SYNPR: variants seen among roughly 807,000 people sequenced by gnomAD.
SYNPR encodes synaptoporin.
Under a neutral mutation model 32.9 loss-of-function variants are expected in SYNPR, and 23 were observed. The observed-to-expected ratio is 0.70, with a 90% CI of 0.50 to 0.99. The LOEUF is 0.99. Among genes scored for constraint, SYNPR ranks in the 50% least tolerant of loss-of-function variants. The probability of loss-of-function intolerance (pLI) is 0.00; values close to 1 mark genes in which losing one functional copy is unlikely to be tolerated. For synonymous variants in SYNPR, 146 were observed against 135.9 expected, an observed-to-expected ratio of 1.07 and a Z score of -0.52; for missense variants, 318 against 349.3, an observed-to-expected ratio of 0.91 and a Z score of 0.71.
At chr3:63,402,820 C>A (rs10510897) in intron 2 of SYNPR, among the ~76,000 whole-genome samples, 17,687 of 152,164 alleles carry the variant, frequency 0.12, 2,001 homozygotes, top group African/African-American at 0.29. Context: ...TAAAGCATAG[C>A]GCACTTGACA....
chr3:63,372,510 G>C (rs913659031), intron 2 of SYNPR, among the ~76,000 whole-genome samples: 1 of 152,156 alleles, frequency 6.6e-6, no homozygotes, highest in African/African-American at 2.4e-5. Flanking sequence ...GTCCTAAGGA[G>C]AGAGGCCAGT....
intron 3 of SYNPR, among the ~76,000 whole-genome samples, chr3:63,494,462 TATATACAC>T (rs2106723346): frequency 1.1e-4 from 14 of 130,746 alleles, no homozygotes; most frequent in African/African-American, 3.8e-4. Context: ...TATATATACA[TATATACAC>T]ATATATACAT....
At chr3:63,297,967 TAC>T (rs1239840005) in intron 2 of SYNPR, among the ~76,000 whole-genome samples, 3 of 152,102 alleles carry the variant, frequency 2.0e-5, no homozygotes, top group Non-Finnish European at 4.4e-5. Context: ...GCAGGAAAGT[TAC>T]AGACCTTGCG....
At chr3:63,551,203 G>C (rs1434696640) in intron 3 of SYNPR, among the ~76,000 whole-genome samples, 1 of 152,168 alleles carries the variant, frequency 6.6e-6, no homozygotes, top group East Asian at 1.9e-4. Flanking sequence ...TTCTTTCACT[G>C]AGCATAATGT....
intron 2 of SYNPR, among the ~76,000 whole-genome samples, chr3:63,381,076 T>G (rs1212447617): frequency 6.6e-6 from 1 of 152,088 alleles, no homozygotes; most frequent in African/African-American, 2.4e-5. Context: ...GAGAAAGAAA[T>G]AAAGGGTATT....
chr3:63,453,053 T>C (rs1049385636), intron 2 of SYNPR, among the ~76,000 whole-genome samples: 10 of 152,096 alleles, frequency 6.6e-5, no homozygotes, highest in African/African-American at 2.4e-4. Context: ...GGGAGCTTGT[T>C]AAAAATGCAG....
At chr3:63,608,682 C>T (rs945713376) in intron 4 of SYNPR, among the ~76,000 whole-genome samples, 5 of 152,202 alleles carry the variant, frequency 3.3e-5, no homozygotes, top group African/African-American at 1.2e-4. Context: ...GGAATCATGA[C>T]AGCTTGGTGG....
intron 3 of SYNPR, among the ~76,000 whole-genome samples, chr3:63,520,863 T>G (rs1013472279): frequency 6.6e-6 from 1 of 152,264 alleles, no homozygotes; most frequent in African/African-American, 2.4e-5. Context: ...AATGTAAAAT[T>G]CACAGGCTCT....
chr3:63,288,285 G>C (rs2086705313), intron 2 of SYNPR, among the ~76,000 whole-genome samples: 1 of 152,180 alleles, frequency 6.6e-6, no homozygotes, highest in Non-Finnish European at 1.5e-5. Flanking sequence ...CTTTCAGCTG[G>C]AGCAGCGATC....
chr3:63,345,649 A>G (rs1575605009), intron 2 of SYNPR, among the ~76,000 whole-genome samples: 1 of 152,026 alleles, frequency 6.6e-6, no homozygotes, highest in Non-Finnish European at 1.5e-5. Flanking sequence ...GCTGACTCCA[A>G]CCCCAACCAG....
At chr3:63,390,825 T>C (rs2088123264) in intron 2 of SYNPR, among the ~76,000 whole-genome samples, 2 of 152,172 alleles carry the variant, frequency 1.3e-5, no homozygotes, top group South Asian at 4.1e-4. Context: ...TTCCTGGAAG[T>C]TGTCTCTGCT....
chr3:63,204,178 C>A, the SYNPR span, among the ~76,000 whole-genome samples: 1 of 152,150 alleles, frequency 6.6e-6, no homozygotes, highest in South Asian at 2.1e-4. Context: ...TTGCCACAAA[C>A]CAGGTGGATA....
intron 2 of SYNPR, among the ~76,000 whole-genome samples, chr3:63,383,911 G>C (rs2088008026): frequency 6.6e-6 from 1 of 152,176 alleles, no homozygotes; most frequent in Non-Finnish European, 1.5e-5. Context: ...TACACAAAAG[G>C]GTAACTATGT....
chr3:63,236,804 T>C (rs1241178962), intron 1 of SYNPR, among the ~76,000 whole-genome samples: 1 of 152,124 alleles, frequency 6.6e-6, no homozygotes, highest in Non-Finnish European at 1.5e-5. Flanking sequence ...TGTCATCCAC[T>C]AATATGAACA....
intron 3 of SYNPR, among the ~76,000 whole-genome samples, chr3:63,540,960 C>CACACACACACACACACACACACACAT (rs778647610): frequency 6.8e-6 from 1 of 147,882 alleles, no homozygotes; most frequent in Non-Finnish European, 1.5e-5. Context: ...CACACACACA[C>CACACACACACACACACACACACACAT]ATATACATAG....
intron 2 of SYNPR, among the ~76,000 whole-genome samples, chr3:63,381,474 C>T (rs1247799194): frequency 1.3e-5 from 2 of 152,220 alleles, no homozygotes; most frequent in African/African-American, 4.8e-5. Context: ...AACGGCCATA[C>T]TGCCCAAGGT....
intron 1 of SYNPR, among the ~76,000 whole-genome samples, chr3:63,246,126 C>G (rs563673930): frequency 6.6e-6 from 1 of 152,160 alleles, no homozygotes; most frequent in South Asian, 2.1e-4. Context: ...ACAAGGAGAA[C>G]AGACTGGTAC....
chr3:63,297,346 T>A (rs1270534857), intron 2 of SYNPR, among the ~76,000 whole-genome samples: 1 of 152,316 alleles, frequency 6.6e-6, no homozygotes, highest in East Asian at 1.9e-4. Flanking sequence ...CATTTCCATA[T>A]GTTTATGAAT....
the SYNPR span, among the ~76,000 whole-genome samples, chr3:63,218,469 G>T: frequency 1.3e-5 from 2 of 152,192 alleles, no homozygotes; most frequent in African/African-American, 4.8e-5. Flanking sequence ...TTCCTGAAAT[G>T]TTGGAATTAT....
Sources: allele counts gnomAD v4.1 joint callset (sites outside exome capture counted in the v4.1 genomes callset), GRCh38; gene constraint gnomAD v4.1.1; transcripts MANE v1.5; gene names NCBI Gene and HGNC (gene_info 2026-07-23, HGNC 2026-07-21).